The following BICC1 variants were observed in gnomAD, a reference collection of about 807,000 sequenced individuals.
BICC1 encodes BicC family RNA binding protein 1.
BICC1 carries 43 observed loss-of-function variants against 111.0 expected under a neutral mutation model. That is an observed-to-expected ratio of 0.39 (90% CI 0.30 to 0.50). BICC1 has a LOEUF of 0.50. Ranked by LOEUF, BICC1 falls within the 20% of genes least tolerant of loss-of-function variation. BICC1 has a pLI of 0.88. For synonymous variants in BICC1, 467 were observed against 434.4 expected, an observed-to-expected ratio of 1.07 and a Z score of -0.93; for missense variants, 1,091 against 1,203.2, an observed-to-expected ratio of 0.91 and a Z score of 1.38.
chr10:58,828,645 C>T, intron 20 of BICC1, 116 bp from the exon 21 acceptor site: 1 of 1,101,800 alleles, frequency 9.1e-7, no homozygotes, highest in Non-Finnish European at 1.3e-6. Context: ...TGATACCAGA[C>T]TTGACTTTCC....
At chr10:58,539,555 T>C (rs183555253) in intron 1 of BICC1, among the ~76,000 whole-genome samples, 2 of 151,796 alleles carry the variant, frequency 1.3e-5, no homozygotes, top group East Asian at 1.9e-4. Context: ...ATTTTTGAAG[T>C]ACATTATGTA....
intron 3 of BICC1, among the ~76,000 whole-genome samples, chr10:58,767,261 G>A (rs1478373029): frequency 6.6e-6 from 1 of 152,204 alleles, no homozygotes; most frequent in Non-Finnish European, 1.5e-5. Context: ...CACTGCCCTA[G>A]GGAAAGCAAA....
chr10:58,824,314 A>G (rs1197411553), intron 20 of BICC1, among the ~76,000 whole-genome samples: 1 of 152,214 alleles, frequency 6.6e-6, no homozygotes, highest in East Asian at 1.9e-4. Flanking sequence ...AATATTATCT[A>G]TCCCTTAAAG....
upstream of BICC1, among the ~76,000 whole-genome samples, chr10:58,512,265 G>A (rs1283338512): frequency 6.6e-6 from 1 of 152,150 alleles, no homozygotes; most frequent in African/African-American, 2.4e-5. Context: ...GTCTGGGTTT[G>A]AGCCCTTCCT....
intron 1 of BICC1, among the ~76,000 whole-genome samples, chr10:58,550,909 G>C (rs1173329759): frequency 1.3e-5 from 2 of 152,076 alleles, no homozygotes; most frequent in Non-Finnish European, 2.9e-5. Flanking sequence ...GACAGTGCTT[G>C]TGTGTTTGGG....
At chr10:58,630,080 A>G (rs1837746921) in intron 2 of BICC1, among the ~76,000 whole-genome samples, 1 of 152,180 alleles carries the variant, frequency 6.6e-6, no homozygotes, top group Admixed American at 6.5e-5. Context: ...ACATGCAGCA[A>G]CAAACCTTCT....
intron 3 of BICC1, among the ~76,000 whole-genome samples, chr10:58,741,897 C>T (rs185361175): frequency 7.2e-5 from 11 of 152,152 alleles, no homozygotes; most frequent in Admixed American, 6.5e-4. Context: ...ACTTGAATAC[C>T]GAAGCAGTTT....
intron 13 of BICC1, 61 bp from the exon 14 acceptor site, chr10:58,800,829 A>AT (rs1843521567): frequency 1.1e-5 from 16 of 1,480,218 alleles, no homozygotes; most frequent in Non-Finnish European, 1.8e-6. Context: ...ATTGCAGATA[A>AT]TTGTCAACTG....
intron 2 of BICC1, among the ~76,000 whole-genome samples, chr10:58,667,145 G>C (rs1421745264): frequency 6.6e-6 from 1 of 152,098 alleles, no homozygotes; most frequent in African/African-American, 2.4e-5. Flanking sequence ...ACTAATTACT[G>C]TGTGTTTGTA....
rs1286369426 is a variant in BICC1 at position 58,512,996 on chromosome 10, GCGGCGGCGTTGGCGGTGGCGT to G, written c.-140_-120del. The G allele has an allele frequency of 5.7e-5, 23 of 401,392 alleles. No individual in the cohort carries two copies. In the East Asian group the frequency reaches 1.9e-3, roughly 33 times the overall value. The allele number at this position is 401,392 out of a possible 1,614,324, so 24.9% of individuals were successfully genotyped here. ...GGGATGCGCCGGGGGCTCAGTGGCGGCGGCGGCGTTGGCGGTGGCGTCGGCGGCTGCAGGGGGACGAGCTAG... is the reference window on the plus strand; with the variant it reads ...GGGATGCGCCGGGGGCTCAGTGGCGGCGGCGGCTGCAGGGGGACGAGCTAG... On this transcript the variant is annotated 5_prime_UTR_variant, in exon 1 of 21. Transcript: ENST00000373886.
At chr10:58,563,773 T>C (rs2131957410) in intron 1 of BICC1, among the ~76,000 whole-genome samples, 1 of 152,288 alleles carries the variant, frequency 6.6e-6, no homozygotes, top group Admixed American at 6.5e-5. Context: ...GCAAATAAAT[T>C]TTCTTTGGAT....
intron 5 of BICC1, among the ~76,000 whole-genome samples, chr10:58,787,300 A>G (rs1049209254): frequency 1.3e-5 from 2 of 152,180 alleles, no homozygotes; most frequent in Admixed American, 6.5e-5. Context: ...TCTTGAAATC[A>G]TTGATAAAAA....
At chr10:58,525,038 C>T (rs959193276) in intron 1 of BICC1, among the ~76,000 whole-genome samples, 1 of 147,778 alleles carries the variant, frequency 6.8e-6, no homozygotes, top group African/African-American at 2.5e-5. Flanking sequence ...GTTAGAATGG[C>T]AGTCATTAAA....
intron 18 of BICC1, among the ~76,000 whole-genome samples, chr10:58,815,982 T>A (rs1325212626): frequency 6.6e-6 from 1 of 152,222 alleles, no homozygotes; most frequent in Non-Finnish European, 1.5e-5. Context: ...GGCCAATGGC[T>A]ACTGTATTGA....
chr10:58,592,935 C>T (rs544162664), intron 1 of BICC1, among the ~76,000 whole-genome samples: 15 of 149,210 alleles, frequency 1.0e-4, no homozygotes, highest in South Asian at 4.3e-4. Context: ...TGTTCGGGCT[C>T]GGTGGGTCTT....
chr10:58,526,429 G>C (rs1842544316), intron 1 of BICC1, among the ~76,000 whole-genome samples: 1 of 151,818 alleles, frequency 6.6e-6, no homozygotes, highest in South Asian at 2.1e-4. Context: ...TAGGGTACAT[G>C]TGAACAACCT....
intron 1 of BICC1, among the ~76,000 whole-genome samples, chr10:58,590,650 TA>T (rs962481773): frequency 5.9e-5 from 9 of 151,908 alleles, no homozygotes; most frequent in African/African-American, 1.9e-4. Context: ...CTACCAGACT[TA>T]AAAAAAAATT....
intron 1 of BICC1, among the ~76,000 whole-genome samples, chr10:58,562,980 G>A (rs141993260): frequency 1.2e-3 from 186 of 152,212 alleles, no homozygotes; most frequent in African/African-American, 4.2e-3. Context: ...CCTTGGGAGC[G>A]TATAGGGGCT....
In BICC1 at chr10:58,800,905, T is replaced by C; in HGVS notation, c.1874T>C (p.Phe625Ser). The stretch of plus-strand genomic sequence containing the variant: ...TCCTCTGCAGGTTGTAATGATGCTT[T>C]TGTTGAAGTAGGCATGCCTCGAAGT... The part of the protein sequence containing the change: ...SSPTEGCNDA[F>S]VEVGMPRSPS... Residue 625 changes from phenylalanine to serine, a missense_variant, in exon 14 of 21, where the codon TTT becomes TCT. This residue lies in a region of BICC1 where 843 missense variants were observed against 900.8 expected (regional missense o/e 0.94). Coordinates refer to ENST00000373886, the MANE Select transcript of BICC1 (RefSeq NM_001080512.3). 2 of 1,601,528 alleles carry C rather than the reference T, an allele frequency of 1.2e-6. No individual in the cohort carries two copies. Among genetic ancestry groups the C allele is most frequent in the Non-Finnish European group, 1.7e-6 (2 of 1,175,168 alleles).
Sources: gnomAD v4.1 joint callset for allele counts (sites outside exome capture counted in the v4.1 genomes callset) on GRCh38, gnomAD v4.1.1 for gene constraint, gnomAD v4.1.1 regional missense constraint, MANE v1.5 for transcripts, NCBI Gene and HGNC (gene_info 2026-07-23, HGNC 2026-07-21) for gene names.